ATP9B: variants seen among roughly 807,000 people sequenced by gnomAD.
ATP9B encodes the protein ATPase phospholipid transporting 9B, also known as probable phospholipid-transporting ATPase IIB.
Under a neutral mutation model 146.1 loss-of-function variants are expected in ATP9B, and 110 were observed. The ratio of observed to expected loss-of-function variants is 0.75; its 90% CI spans 0.65 to 0.88. ATP9B has a LOEUF of 0.88. ATP9B is among the 40% of genes least tolerant of loss of function. The probability of loss-of-function intolerance (pLI) is 0.00; values close to 1 mark genes in which losing one functional copy is unlikely to be tolerated. For synonymous variants in ATP9B, 604 were observed against 569.7 expected, an observed-to-expected ratio of 1.06 and a Z score of -0.86; for missense variants, 1,499 against 1,496.4, an observed-to-expected ratio of 1.00 and a Z score of -0.03.
Position 79,303,649 on chromosome 18 carries a change from G to C in ATP9B, c.1457G>C (p.Gly486Ala), listed in dbSNP as rs200806754. 6 of 1,614,048 alleles carry C rather than the reference G, an allele frequency of 3.7e-6. No homozygotes were observed. The South Asian group carries it at 5.5e-5, about 15-fold the overall frequency. ...NEMIFKRLHL[G>A]TVSYGADTMD... is the part of the protein sequence containing the mutation. ...ATGATATTTAAGCGGCTGCACCTGG[G>C]CACCGTGTCCTATGGCGCCGACACG... is the stretch of plus-strand genomic sequence containing the variant. The change falls in exon 14 of 30, where the codon GGC becomes GCC. Residue 486 changes from glycine to alanine, a missense_variant. Physicochemically the swap from Gly to Ala is moderately conservative, Grantham distance 60. Transcript: ENST00000426216.
chr18:79,076,468 T>A (rs930940602), intron 1 of ATP9B, among the ~76,000 whole-genome samples: 3 of 152,236 alleles, frequency 2.0e-5, no homozygotes, highest in Non-Finnish European at 4.4e-5. Context: ...ACTTGAAAAG[T>A]GTTATGCCAC....
chr18:79,237,698 G>T (rs78836751), intron 11 of ATP9B, among the ~76,000 whole-genome samples: 1 of 132,728 alleles, frequency 7.5e-6, no homozygotes, highest in African/African-American at 2.9e-5. Flanking sequence ...TTGGGGGGGG[G>T]TGGGGGAAGA....
chr18:79,170,720 T>G (rs1754759156), intron 7 of ATP9B, among the ~76,000 whole-genome samples: 1 of 152,186 alleles, frequency 6.6e-6, no homozygotes, highest in Admixed American at 6.5e-5. Context: ...TCTGGTCCAG[T>G]GCAGTGTCAG....
chr18:79,136,707 C>T (rs2094451700), intron 5 of ATP9B, among the ~76,000 whole-genome samples: 1 of 152,150 alleles, frequency 6.6e-6, no homozygotes, highest in South Asian at 2.1e-4. Context: ...TTTCCTTCCA[C>T]AAGGTCTATT....
intron 29 of ATP9B, chr18:79,376,316 G>A: frequency 1.0e-6 from 1 of 985,192 alleles, no homozygotes; most frequent in Non-Finnish European, 1.2e-6. Context: ...GTACTTCAGT[G>A]CCTTCACAAA....
At chr18:79,309,417 A>G in intron 15 of ATP9B, among the ~76,000 whole-genome samples, 1 of 145,980 alleles carries the variant, frequency 6.9e-6, no homozygotes, top group Non-Finnish European at 1.5e-5. Flanking sequence ...CCCAGCAGGT[A>G]GAAGGTCAGG....
intron 26 of ATP9B, among the ~76,000 whole-genome samples, chr18:79,369,405 C>T (rs1317669715): frequency 6.6e-6 from 1 of 151,860 alleles, no homozygotes; most frequent in African/African-American, 2.4e-5. Context: ...TGGTGGCGGG[C>T]GCCTGTAGTC....
intron 15 of ATP9B, among the ~76,000 whole-genome samples, chr18:79,322,434 G>A (rs574622945): frequency 3.9e-5 from 6 of 152,288 alleles, no homozygotes; most frequent in African/African-American, 4.8e-5. Flanking sequence ...TCTCCTGGCC[G>A]CACCCTCGGG....
At position 79,336,313 on chromosome 18, in the gene ATP9B, C is replaced by G. The variant is rs560587615; in HGVS notation, c.2029-315C>G. Among the ~76,000 whole-genome samples, 24 of 152,330 alleles carry G rather than the reference C, an allele frequency of 1.6e-4. 2 individuals carry two copies. The East Asian group carries it at 4.4e-3, about 28-fold the overall frequency. ...TCAGGGTATGATTTTTTGAAAAGCC[C>G]GTGCTGTGGTAAAAAGAAGCTCTGC... On this transcript the variant is annotated intron_variant, in intron 17 of 29. Transcript: ENST00000426216.
chr18:79,345,647 T>C (rs2096882114), intron 22 of ATP9B, 75 bp downstream of exon 22: 3 of 1,596,596 alleles, frequency 1.9e-6, no homozygotes, highest in South Asian at 2.2e-5. Context: ...GCAAAGTTTG[T>C]TCCATCTCTA....
chr18:79,296,893 A>G (rs114810084), intron 13 of ATP9B, among the ~76,000 whole-genome samples: 1,873 of 152,206 alleles, frequency 0.012, 20 homozygotes, highest in African/African-American at 0.035. Context: ...GATGACCCAC[A>G]GAGAAGACAG....
At chr18:79,326,991 G>C (rs1456800353) in intron 15 of ATP9B, among the ~76,000 whole-genome samples, 1 of 152,218 alleles carries the variant, frequency 6.6e-6, no homozygotes, top group Non-Finnish European at 1.5e-5. Flanking sequence ...GGGTTGCAGA[G>C]GTGCAGCCAT....
chr18:79,229,648 G>A lies in ATP9B; in HGVS notation c.1107+15610G>A, dbSNP rs867287940. ...GGCGCTCTGCTGTCTTCACAGACACGTCAGGTTACTGCTGCGTGTTTCTAG... is the reference window on the plus strand; with the variant it reads ...GGCGCTCTGCTGTCTTCACAGACACATCAGGTTACTGCTGCGTGTTTCTAG... On this transcript the variant is annotated intron_variant, in intron 11 of 29. Coordinates refer to ENST00000426216, the MANE Select transcript of ATP9B (RefSeq NM_198531.5). Among the ~76,000 whole-genome samples the A allele has an allele frequency of 3.9e-5, 6 of 152,192 alleles. No homozygotes were observed. The East Asian group carries it at 1.2e-3, about 29-fold the overall frequency.
chr18:79,093,619 TA>T (rs2074530548), intron 1 of ATP9B, among the ~76,000 whole-genome samples: 1 of 152,224 alleles, frequency 6.6e-6, no homozygotes, highest in Admixed American at 6.5e-5. Flanking sequence ...TTTCTTCACA[TA>T]TTTTTCTGCC....
At position 79,239,041 on chromosome 18, in the gene ATP9B, T is replaced by A. The variant is rs529821051; in HGVS notation, c.1108-14340T>A. ...CTGTTTCTCTGCTTCATGCCTCAGGTAGGCAGGCTCAAGGAGAGCCTCCAG... is the reference window on the plus strand; with the variant it reads ...CTGTTTCTCTGCTTCATGCCTCAGGAAGGCAGGCTCAAGGAGAGCCTCCAG... On this transcript the variant is annotated intron_variant, in intron 11 of 29. Transcript: ENST00000426216. This position sits in a 1 kb window ranked among gnomAD's most constrained non-coding sequence, Gnocchi z 5.1. Among the ~76,000 whole-genome samples, 2 of 152,274 alleles carry A rather than the reference T, an allele frequency of 1.3e-5. No individual in the cohort carries two copies. Among genetic ancestry groups the A allele is most frequent in the African/African-American group, 4.8e-5 (2 of 41,538 alleles).
At chr18:79,120,661 T>G (rs751258647) in intron 4 of ATP9B, among the ~76,000 whole-genome samples, 1 of 152,230 alleles carries the variant, frequency 6.6e-6, no homozygotes, top group African/African-American at 2.4e-5. Context: ...AATGTCATGC[T>G]TCTATCAAAA....
At chr18:79,252,412 G>C (rs2096034796) in intron 11 of ATP9B, among the ~76,000 whole-genome samples, 1 of 123,876 alleles carries the variant, frequency 8.1e-6, no homozygotes, top group Admixed American at 8.5e-5. Context: ...CACCCTTCCT[G>C]CAGCGCCGAG....
At chr18:79,366,416 C>T (rs1389559064) in intron 26 of ATP9B, among the ~76,000 whole-genome samples, 1 of 152,228 alleles carries the variant, frequency 6.6e-6, no homozygotes, top group Non-Finnish European at 1.5e-5. Flanking sequence ...CTGTGGTTCA[C>T]TGTAAGGCTG....
At chr18:79,144,034 G>C (rs1468008474) in intron 6 of ATP9B, 174 bp downstream of exon 6, 2 of 448,622 alleles carry the variant, frequency 4.5e-6, no homozygotes, top group Non-Finnish European at 7.8e-6. Flanking sequence ...ATATTGTTTT[G>C]CTAAAGTATA....
Sources: allele counts gnomAD v4.1 joint callset (sites outside exome capture counted in the v4.1 genomes callset), GRCh38; gene constraint gnomAD v4.1.1; non-coding constraint Gnocchi (gnomAD v3.1); transcripts MANE v1.5; gene names NCBI Gene and HGNC (gene_info 2026-07-23, HGNC 2026-07-21).